TERB2: variants seen among roughly 807,000 people sequenced by gnomAD.
TERB2 encodes telomere repeats-binding bouquet formation protein 2.
In TERB2, 26 loss-of-function variants were observed where a neutral mutation model predicts 29.8. That is an observed-to-expected ratio of 0.87 (90% CI 0.64 to 1.21). The LOEUF (loss-of-function observed/expected upper bound fraction) is 1.21, where lower values mean the gene tolerates loss of function less well. TERB2 is among the 50% of genes most tolerant of loss of function. TERB2 has a pLI of 0.00. For synonymous variants in TERB2, 80 were observed against 90.8 expected (o/e 0.88, Z 0.68); for missense variants, 240 against 268.6 (o/e 0.89, Z 0.74).
chr15:44,973,800 T>A, intron 5 of TERB2, 67 bp from the exon 6 acceptor site: 1 of 1,068,116 alleles, frequency 9.4e-7, no homozygotes, highest in Non-Finnish European at 1.2e-6. Context: ...TACTTTAATA[T>A]AAATGTAATA....
intron 5 of TERB2, among the ~76,000 whole-genome samples, chr15:44,967,371 G>T (rs1027490920): frequency 3.3e-5 from 5 of 152,250 alleles, no homozygotes; most frequent in East Asian, 1.9e-4. Context: ...CCAAGCTGGG[G>T]CCAGTTGGGA....
At chr15:44,964,459 G>A (rs1322828957) in intron 4 of TERB2, among the ~76,000 whole-genome samples, 3 of 151,558 alleles carry the variant, frequency 2.0e-5, no homozygotes, top group African/African-American at 7.3e-5. Flanking sequence ...ATTATTTGGT[G>A]GTAATTATTG....
At position 44,976,444 on chromosome 15, in the gene TERB2, A is replaced by G. The variant is rs543572975; in HGVS notation, c.524-2045A>G. ...TCACCAAATGGGCCTCTCCATAAGG[A>G]CCATCCACAGCATGGTAGGTAGTTT... On this transcript the variant is annotated intron_variant, in intron 6 of 6. Coordinates refer to ENST00000340827, the MANE Select transcript of TERB2 (RefSeq NM_152448.3). Among the ~76,000 whole-genome samples the G allele has an allele frequency of 5.7e-4, 87 of 152,252 alleles. 1 individual carries two copies. The highest frequency in any genetic ancestry group is 1.0e-3 in the Admixed American group (16 of 15,280).
chr15:44,968,162 C>T (rs1891914580), intron 5 of TERB2, among the ~76,000 whole-genome samples: 1 of 149,004 alleles, frequency 6.7e-6, no homozygotes, highest in Non-Finnish European at 1.5e-5. Flanking sequence ...TCAGGCAGTA[C>T]AGAATTAGTA....
At chr15:44,966,304 T>G in intron 5 of TERB2, 61 bp downstream of exon 5, 2 of 1,012,034 alleles carry the variant, frequency 2.0e-6, no homozygotes, top group Non-Finnish European at 2.7e-6. Flanking sequence ...GAGCACTGAT[T>G]GTGTGCTTAT....
intron 6 of TERB2, among the ~76,000 whole-genome samples, chr15:44,976,377 G>A (rs538401318): frequency 2.2e-4 from 33 of 152,124 alleles, no homozygotes; most frequent in South Asian, 6.2e-4. Flanking sequence ...TTATTGGCAG[G>A]TGTTGGGTCC....
chr15:44,967,725 C>G (rs1273366386), intron 5 of TERB2, among the ~76,000 whole-genome samples: 1 of 142,614 alleles, frequency 7.0e-6, no homozygotes, highest in African/African-American at 2.7e-5. Context: ...GGTCAGGACA[C>G]AGAAAGCAAG....
intron 2 of TERB2, among the ~76,000 whole-genome samples, chr15:44,958,065 T>C (rs1891746486): frequency 6.6e-6 from 1 of 152,086 alleles, no homozygotes; most frequent in Non-Finnish European, 1.5e-5. Context: ...GCAATGACCA[T>C]GGATAAGCCC....
chr15:44,957,804 C>T (rs544439356), intron 2 of TERB2, among the ~76,000 whole-genome samples: 98 of 151,176 alleles, frequency 6.5e-4, no homozygotes, highest in Non-Finnish European at 1.2e-3. Context: ...TCCTCACTCC[C>T]GCCCCCACCC....
chr15:44,957,100 GC>G, intron 2 of TERB2, 123 bp downstream of exon 2: 1 of 1,047,154 alleles, frequency 9.5e-7, no homozygotes, highest in Non-Finnish European at 1.4e-6. Context: ...TATAATCCCA[GC>G]TACTGGGAAG....
chr15:44,965,973 T>C (rs1891882532), intron 4 of TERB2, among the ~76,000 whole-genome samples, 185 bp from the exon 5 acceptor site: 1 of 152,088 alleles, frequency 6.6e-6, no homozygotes, highest in African/African-American at 2.4e-5. Flanking sequence ...TATAATTATA[T>C]GTGTGTGTGG....
At chr15:44,964,378 C>T (rs1380614368) in intron 4 of TERB2, among the ~76,000 whole-genome samples, 1 of 151,832 alleles carries the variant, frequency 6.6e-6, no homozygotes, top group Non-Finnish European at 1.5e-5. Flanking sequence ...GTATGTTGTA[C>T]TAAGGACTGA....
intron 2 of TERB2, among the ~76,000 whole-genome samples, chr15:44,957,290 G>A (rs1267386235): frequency 6.6e-6 from 1 of 151,676 alleles, no homozygotes; most frequent in African/African-American, 2.4e-5. Flanking sequence ...GATAGGGTGA[G>A]ACTGAAAACG....
intron 2 of TERB2, 41 bp from the exon 3 acceptor site, chr15:44,958,332 G>C (rs1891751770): frequency 6.4e-7 from 1 of 1,558,756 alleles, no homozygotes; most frequent in South Asian, 1.2e-5. Context: ...ATACATTCTT[G>C]TTTCTTTCAT....
At chr15:44,961,488 C>A (rs1172129224) in intron 3 of TERB2, 35 bp from the exon 4 acceptor site, 26 of 1,430,732 alleles carry the variant, frequency 1.8e-5, no homozygotes, top group East Asian at 7.3e-5. Context: ...AAAAAAAAAA[C>A]CAAAACAGTA....
At chr15:44,969,522 C>T (rs1382965201) in intron 5 of TERB2, among the ~76,000 whole-genome samples, 7 of 151,730 alleles carry the variant, frequency 4.6e-5, no homozygotes, top group Admixed American at 3.3e-4. Context: ...GGCATGGTGG[C>T]TCACACCTGT....
rs1411346919 is a variant in TERB2, at chr15:44,978,975, C to A, written c.*347C>A. The A allele has an allele frequency of 6.4e-6, 1 of 156,680 alleles. No individual in the cohort carries two copies. The highest frequency in any genetic ancestry group is 1.4e-5 in the Non-Finnish European group (1 of 71,318). The allele number at this position is 156,680 out of a possible 1,614,324, so 9.7% of individuals were successfully genotyped here. A position where few individuals can be genotyped will look rare whatever the true frequency, so the allele number is the denominator to read the frequency against. ...TCTTTTCCCTCTCTCTTTCTCTCCT[C>A]CCCTTCTCTCTTTCTGTCTTTCAAA... On this transcript the variant is annotated 3_prime_UTR_variant, in exon 7 of 7. Coordinates refer to ENST00000340827, the MANE Select transcript of TERB2 (RefSeq NM_152448.3).
Position 44,956,733 on chromosome 15 carries a change from G to C in TERB2, c.15G>C (p.Gln5His), listed in dbSNP as rs1198412401. 1.2e-6 allele frequency: 2 copies of C among 1,611,866 alleles called. No homozygotes were observed. The highest frequency in any genetic ancestry group is 8.5e-7 in the Non-Finnish European group (1 of 1,179,096). MFQG[Q>H]RGWFCGSVSQ... ...TTGGCGACGCCATGTTTCAAGGGCA[G>C]CGCGGTTGGTTTTGCGGCAGCGTTA... Residue 5 changes from glutamine to histidine, a missense_variant, in exon 1 of 7, where the codon CAG (glutamine) becomes CAC (histidine). By Grantham distance (24) the Gln-to-His change is conservative. Coordinates refer to ENST00000340827, the MANE Select transcript of TERB2 (RefSeq NM_152448.3).
chr15:44,965,250 C>G (rs1891867591), intron 4 of TERB2, among the ~76,000 whole-genome samples: 1 of 145,708 alleles, frequency 6.9e-6, no homozygotes, highest in Non-Finnish European at 1.5e-5. Context: ...ATGATAGGTA[C>G]CAGTATCTAA....
Sources: allele counts gnomAD v4.1 joint callset (sites outside exome capture counted in the v4.1 genomes callset), GRCh38; gene constraint gnomAD v4.1.1; transcripts MANE v1.5; gene names NCBI Gene and HGNC (gene_info 2026-07-23, HGNC 2026-07-21).